The following ERAP2 variants were observed in gnomAD, a reference collection of about 807,000 sequenced individuals.
The protein encoded by ERAP2 is endoplasmic reticulum aminopeptidase 2, also known as leukocyte-derived arginine aminopeptidase.
A neutral mutation model predicts 111.1 loss-of-function variants in ERAP2; 118 were observed. The observed-to-expected ratio is 1.06, with a 90% CI of 0.92 to 1.24. The LOEUF is 1.24. ERAP2 is among the 50% of genes most tolerant of loss of function. The pLI is 0.00. For missense variants in ERAP2, 1,131 were observed against 1,125.8 expected (o/e 1.00, Z -0.07); for synonymous variants, 410 against 401.2 (o/e 1.02, Z -0.26).
At chr5:96,898,479 T>TAA (rs1785093486) in intron 9 of ERAP2, among the ~76,000 whole-genome samples, 1 of 151,326 alleles carries the variant, frequency 6.6e-6, no homozygotes, top group African/African-American at 2.4e-5. Context: ...CGGTGGCTCA[T>TAA]GCTTGTAATC....
intron 13 of ERAP2, among the ~76,000 whole-genome samples, chr5:96,907,894 A>ATAT: frequency 6.6e-6 from 1 of 151,214 alleles, no homozygotes; most frequent in South Asian, 2.1e-4. Flanking sequence ...AAAAAAAAAA[A>ATAT]ATATATATAT....
chr5:96,890,699 A>C (rs1784252050), intron 5 of ERAP2, among the ~76,000 whole-genome samples: 1 of 152,284 alleles, frequency 6.6e-6, no homozygotes, highest in South Asian at 2.1e-4. Context: ...ATCAATTGGC[A>C]TACAGTTCCA....
At position 96,901,845 on chromosome 5, in the gene ERAP2, C is replaced by T. The variant is rs116459280; in HGVS notation, c.1748+164C>T. The stretch of plus-strand genomic sequence containing the variant: ...AAGATTTAAAGAGCTTCATATAACC[C>T]GGACTTCTTTGTTCAGGAGCACCAT... On this transcript the variant is annotated intron_variant, in intron 11 of 18. Coordinates refer to ENST00000437043, the MANE Select transcript of ERAP2 (RefSeq NM_022350.5). Among the ~76,000 whole-genome samples the T allele has an allele frequency of 4.6e-3, 699 of 152,280 alleles. 2 individuals are homozygous for T. The highest frequency in any genetic ancestry group is 0.016 in the African/African-American group (661 of 41,558).
At chr5:96,884,538 T>C (rs1481810915) in intron 3 of ERAP2, among the ~76,000 whole-genome samples, 1 of 144,610 alleles carries the variant, frequency 6.9e-6, no homozygotes, top group African/African-American at 2.6e-5. Context: ...AAATTATTAA[T>C]TGTGGTTATA....
intron 17 of ERAP2, among the ~76,000 whole-genome samples, chr5:96,914,295 A>C (rs1175567939): frequency 6.6e-6 from 1 of 152,182 alleles, no homozygotes; most frequent in Non-Finnish European, 1.5e-5. Context: ...GTCAGTTAGC[A>C]TCCCTGATAT....
At chr5:96,912,905 G>A (rs891798983) in intron 16 of ERAP2, 107 bp downstream of exon 16, 2 of 846,290 alleles carry the variant, frequency 2.4e-6, no homozygotes, top group African/African-American at 3.5e-5. Flanking sequence ...AATTGAATCA[G>A]AATGTGTATG....
intron 4 of ERAP2, among the ~76,000 whole-genome samples, chr5:96,888,717 C>T (rs1784016722): frequency 1.3e-5 from 2 of 152,142 alleles, no homozygotes; most frequent in Non-Finnish European, 2.9e-5. Flanking sequence ...CATATTTGAG[C>T]ATTTCTTAGT....
rs777590421 is a variant in ERAP2 at position 96,903,562 on chromosome 5, T to C, written c.2012+2T>C. 5.0e-6 allele frequency: 8 copies of C among 1,589,308 alleles called. No homozygotes were observed. Among genetic ancestry groups the C allele is most frequent in the Non-Finnish European group, 6.8e-6 (8 of 1,169,484 alleles). On this transcript the variant is annotated splice_donor_variant, in intron 13 of 18. Coordinates refer to ENST00000437043, the MANE Select transcript of ERAP2 (RefSeq NM_022350.5). LOFTEE classifies it high-confidence loss of function. ...TCATGATGTGTTTCAGCTAGTTGGG[T>C]AAGGCAACATTTCCTCTGACTTCAT...
chr5:96,883,682 A>T, intron 2 of ERAP2, 110 bp from the exon 3 acceptor site: 1 of 1,101,808 alleles, frequency 9.1e-7, no homozygotes, highest in Non-Finnish European at 1.3e-6. Flanking sequence ...GCAGTTTGAG[A>T]AATCAAGTCT....
In ERAP2 at chr5:96,896,405, A is replaced by G. The variant is rs1784858989; in HGVS notation, c.1272A>G (p.Val424=). 6.2e-7 allele frequency: 1 copy of G among 1,611,900 alleles called. No individual in the cohort carries two copies. The highest frequency in any genetic ancestry group is 1.3e-5 in the African/African-American group (1 of 74,974). Residue 424 remains valine, a synonymous_variant, in exon 8 of 19, where the codon GTA becomes GTG. Coordinates refer to ENST00000437043, the MANE Select transcript of ERAP2 (RefSeq NM_022350.5). ...DDYFLNVCFE[V]ITKDSLNSSR... ...ATTTTTTGAATGTGTGTTTTGAAGT[A>G]ATTACAAAAGATTCATTGAATTCAT...
chr5:96,914,221 C>A (rs985885896), intron 17 of ERAP2, among the ~76,000 whole-genome samples: 2 of 151,920 alleles, frequency 1.3e-5, no homozygotes, highest in African/African-American at 4.8e-5. Flanking sequence ...TCTAAAATGT[C>A]ATTTATGACT....
At chr5:96,916,170 G>A (rs1426364573) in intron 18 of ERAP2, among the ~76,000 whole-genome samples, 2 of 151,518 alleles carry the variant, frequency 1.3e-5, no homozygotes, top group East Asian at 3.9e-4. Context: ...GCAGTGAGCT[G>A]AGATCACACC....
chr5:96,914,771 C>T (rs1787189848), intron 17 of ERAP2, among the ~76,000 whole-genome samples: 1 of 152,120 alleles, frequency 6.6e-6, no homozygotes, highest in Non-Finnish European at 1.5e-5. Flanking sequence ...AACCAAGTAA[C>T]ATTGCCCCAC....
intron 7 of ERAP2, among the ~76,000 whole-genome samples, chr5:96,895,699 G>A (rs1478462972): frequency 6.6e-6 from 1 of 152,144 alleles, no homozygotes; most frequent in East Asian, 1.9e-4. Flanking sequence ...GAGAGTTCTC[G>A]GCATGTAACC....
At chr5:96,917,339 T>C (rs1787529906) in intron 18 of ERAP2, 123 bp from the exon 19 acceptor site, 7 of 764,624 alleles carry the variant, frequency 9.2e-6, no homozygotes, top group South Asian at 1.9e-5. Flanking sequence ...TAGGCTCGTA[T>C]TGAACTCCTG....
intron 16 of ERAP2, 22 bp from the exon 17 acceptor site, chr5:96,913,295 C>G: frequency 6.2e-7 from 1 of 1,603,280 alleles, no homozygotes; most frequent in Non-Finnish European, 8.5e-7. Flanking sequence ...TATTTAGAAA[C>G]AAATTATTTT....
At chr5:96,915,626 G>A (rs1313580745) in intron 17 of ERAP2, 62 bp from the exon 18 acceptor site, 1 of 916,326 alleles carries the variant, frequency 1.1e-6, no homozygotes, top group Non-Finnish European at 1.6e-6. Context: ...TATAATACAT[G>A]ATATAATAAA....
intron 15 of ERAP2, among the ~76,000 whole-genome samples, chr5:96,911,865 T>A (rs1390601740): frequency 2.1e-4 from 6 of 28,382 alleles, no homozygotes; most frequent in East Asian, 1.3e-3. Flanking sequence ...AGACCCTGTC[T>A]CAAAAAAAAA....
chr5:96,887,412 T>C (rs1738305101), intron 4 of ERAP2, among the ~76,000 whole-genome samples: 1 of 151,618 alleles, frequency 6.6e-6, no homozygotes, highest in African/African-American at 2.4e-5. Context: ...GCAATTCTCC[T>C]GCCTCAGCCT....
Sources: gnomAD v4.1 joint callset for allele counts (sites outside exome capture counted in the v4.1 genomes callset) on GRCh38, gnomAD v4.1.1 for gene constraint, MANE v1.5 for transcripts, NCBI Gene and HGNC (gene_info 2026-07-23, HGNC 2026-07-21) for gene names.